The following ATN1 variants were observed in gnomAD, a reference collection of about 807,000 sequenced individuals.
ATN1 encodes the protein atrophin 1, also known as atrophin-1.
In ATN1, 19 loss-of-function variants were observed where a neutral mutation model predicts 85.8. That is an observed-to-expected ratio of 0.22 (90% CI 0.15 to 0.32). ATN1 has a LOEUF of 0.32. ATN1 is among the 10% of genes least tolerant of loss of function. The pLI is 1.00. For missense variants in ATN1, 1,453 were observed against 1,564.5 expected, an observed-to-expected ratio of 0.93 and a Z score of 1.20; for synonymous variants, 674 against 657.0, an observed-to-expected ratio of 1.03 and a Z score of -0.39.
In ATN1 at chr12:6,941,234, A is replaced by G. The variant is rs7303226; in HGVS notation, c.3359-140A>G. On this transcript the variant is annotated intron_variant, in intron 8 of 9. Transcript: ENST00000396684. This position sits in a 1 kb window ranked among gnomAD's most constrained non-coding sequence, Gnocchi z 5.9. The stretch of plus-strand genomic sequence containing the variant: ...GTTCGAATCCCAATTCCACCCTACC[A>G]CTGGCAACTTACAGAACTGGGTGTG... 3.9e-3 allele frequency: 4,789 copies of G among 1,228,492 alleles called. 134 individuals are homozygous for G. In the African/African-American group the frequency reaches 0.062, roughly 16 times the overall value. The allele number at this position is 1,228,492 out of a possible 1,614,324, so 76.1% of individuals were successfully genotyped here.
rs868985549 is a variant in ATN1 at position 6,928,065 on chromosome 12, C to T, written c.-482C>T. 7.0e-6 allele frequency among the ~76,000 whole-genome samples: 1 copy of T among 142,556 alleles called. No homozygotes were observed. The highest frequency in any genetic ancestry group is 2.5e-5 in the African/African-American group (1 of 39,642). 93.5% of individuals were successfully genotyped at this position (142,556 alleles called of 152,430 possible). A position where few individuals can be genotyped will look rare whatever the true frequency, so the allele number is the denominator to read the frequency against. ...GCCGAGGGCCGGGCGGGCCGCGGGG[C>T]CGGGCGGCGCGGCGGGGGCGGGCGG... On this transcript the variant is annotated 5_prime_UTR_variant, in exon 1 of 10. Coordinates refer to ENST00000396684, the MANE Select transcript of ATN1 (RefSeq NM_001940.4).
chr12:6,936,201 A>C lies in ATN1; in HGVS notation c.934A>C (p.Asn312His). ...PPPPALRPLN[N>H]ASASPPGLGA... ...CCCACCTGCCCTGAGACCCCTCAAC[A>C]ATGCATCAGCCTCTCCCCCTGGCCT... Residue 312 changes from asparagine to histidine, a missense_variant, in exon 5 of 10, where the codon AAT becomes CAT. By Grantham distance (68) the Asn-to-His change is moderately conservative. This residue lies in a region of ATN1 where 990 missense variants were observed against 914.8 expected (regional missense o/e 1.08). Coordinates refer to ENST00000396684, the MANE Select transcript of ATN1 (RefSeq NM_001940.4). 1 of 1,589,158 alleles carries C rather than the reference A, an allele frequency of 6.3e-7. No homozygotes were observed. The highest frequency in any genetic ancestry group is 2.2e-5 in the East Asian group (1 of 44,646).
upstream of ATN1, among the ~76,000 whole-genome samples, chr12:6,926,501 G>T (rs1192836506): frequency 6.7e-6 from 1 of 149,090 alleles, no homozygotes; most frequent in Admixed American, 6.7e-5. Flanking sequence ...TTGAGACGGC[G>T]TCTCGCTCTG....
upstream of ATN1, chr12:6,924,673 G>T (rs1565561342): frequency 6.6e-6 from 1 of 152,458 alleles, no homozygotes; most frequent in Non-Finnish European, 1.5e-5. Flanking sequence ...TCAGTTCAAA[G>T]AGCCTCATGC....
chr12:6,930,756 G>A lies in ATN1; in HGVS notation c.-163+2372G>A, dbSNP rs782424476. Among the ~76,000 whole-genome samples, 39 of 152,248 alleles carry A rather than the reference G, an allele frequency of 2.6e-4. 1 individual carries two copies. The Middle Eastern group carries it at 0.014, about 53-fold the overall frequency. On this transcript the variant is annotated intron_variant, in intron 1 of 9. Coordinates refer to ENST00000396684, the MANE Select transcript of ATN1 (RefSeq NM_001940.4). ...GCTTGCAGTGAGCCGAGCCGAGATC[G>A]CGGCACGGCACTCCAGCCTGGGTGA...
chr12:6,941,575 C>T lies in ATN1; in HGVS notation c.3539+21C>T. On this transcript the variant is annotated intron_variant, in intron 9 of 9. Transcript: ENST00000396684. The surrounding 1 kb of genome is among the most constrained non-coding windows in gnomAD (Gnocchi z 5.9). ...TACAGGTACCCTAGGGTGCCCCAGC[C>T]CAGGGGACATGGGCTCAGCGAGCCT... The T allele has an allele frequency of 1.2e-6, 2 of 1,612,344 alleles. No individual in the cohort carries two copies. The highest frequency in any genetic ancestry group is 1.7e-6 in the Non-Finnish European group (2 of 1,179,426).
At position 6,935,671 on chromosome 12, in the gene ATN1, T is replaced by C. The variant is rs1190609559; in HGVS notation, c.404T>C (p.Ile135Thr). Residue 135 changes from isoleucine to threonine, a missense_variant, in exon 5 of 10, where the codon ATC (isoleucine) becomes ACC (threonine). Around this residue, in one of 6 missense-constraint regions of ATN1, gnomAD observed 6 missense variants for 40.5 expected, o/e 0.15. Coordinates refer to ENST00000396684, the MANE Select transcript of ATN1 (RefSeq NM_001940.4). This position sits in a 1 kb window ranked among gnomAD's most constrained non-coding sequence, Gnocchi z 5.3. The part of the protein sequence containing the change: ...DQDNRSTSPS[I>T]YSPGSVENDS... ...GACAACCGAAGCACGTCCCCCAGTA[T>C]CTACAGCCCTGGAAGTGTGGAGAAT... The C allele has an allele frequency of 6.2e-7, 1 of 1,613,786 alleles. No individual in the cohort carries two copies. Among genetic ancestry groups the C allele is most frequent in the Non-Finnish European group, 8.5e-7 (1 of 1,179,920 alleles).
chr12:6,925,793 C>T (rs1555142541), upstream of ATN1, among the ~76,000 whole-genome samples: 1 of 152,224 alleles, frequency 6.6e-6, no homozygotes, highest in African/African-American at 2.4e-5. Context: ...CCTTCCTTCC[C>T]TGAAGGCAGG....
Position 6,935,607 on chromosome 12 carries a change from A to C in ATN1, c.340A>C (p.Asn114His). The C allele has an allele frequency of 1.2e-6, 2 of 1,613,700 alleles. No homozygotes were observed. The highest frequency in any genetic ancestry group is 1.7e-6 in the Non-Finnish European group (2 of 1,179,674). ...GGATAGCTTGGACGGGCGGAGCCTT[A>C]ATGATGATGGCAGCAGCGACCCTAG... ...DLDSLDGRSL[N>H]DDGSSDPRDI... The change falls in exon 5 of 10, where the codon AAT (asparagine) becomes CAT (histidine). Residue 114 changes from asparagine (N) to histidine (H), a missense_variant. Physicochemically the swap from Asn to His is moderately conservative, Grantham distance 68. Coordinates refer to ENST00000396684, the MANE Select transcript of ATN1 (RefSeq NM_001940.4). The surrounding 1 kb of genome is among the most constrained non-coding windows in gnomAD (Gnocchi z 5.3).
chr12:6,936,773 G>GCAGCAT lies in ATN1; in HGVS notation c.1508_1509insGCATCA (p.Gln502_His503insGlnHis), dbSNP rs782468714. The GCAGCAT allele has an allele frequency of 7.8e-5, 124 of 1,590,272 alleles. No homozygotes were observed. Among genetic ancestry groups the GCAGCAT allele is most frequent in the Middle Eastern group, 1.7e-4 (1 of 5,958 alleles). ...AGCAGCAGCAGCAGCAGCAGCAGCA[G>GCAGCAT]CATCACGGAAACTCTGGGCCCCCTC... is the stretch of plus-strand genomic sequence containing the variant. On this transcript the variant is annotated inframe_insertion, in exon 5 of 10. Coordinates refer to ENST00000396684, the MANE Select transcript of ATN1 (RefSeq NM_001940.4).
intron 1 of ATN1, among the ~76,000 whole-genome samples, chr12:6,931,505 G>A (rs1433991816): frequency 6.6e-6 from 1 of 150,990 alleles, no homozygotes; most frequent in South Asian, 2.1e-4. Context: ...TCTGAGGTCA[G>A]GAGTTCGAGA....
upstream of ATN1, among the ~76,000 whole-genome samples, chr12:6,926,019 T>C (rs1945395600): frequency 6.6e-6 from 1 of 152,196 alleles, no homozygotes; most frequent in South Asian, 2.1e-4. Flanking sequence ...CTGGGAGATG[T>C]TGCCGCTTGG....
rs1301957839 is a variant in ATN1, at chr12:6,934,375, T to C, written c.165+62T>C. The C allele has an allele frequency of 6.3e-7, 1 of 1,598,594 alleles. No homozygotes were observed. Among genetic ancestry groups the C allele is most frequent in the East Asian group, 2.2e-5 (1 of 44,774 alleles). On this transcript the variant is annotated intron_variant, in intron 3 of 9. Coordinates refer to ENST00000396684, the MANE Select transcript of ATN1 (RefSeq NM_001940.4). The surrounding 1 kb of genome is among the most constrained non-coding windows in gnomAD (Gnocchi z 4.5). The stretch of plus-strand genomic sequence containing the variant: ...GGCACTGGGGCTGAGGGTGTGTGTG[T>C]GTTGTGGGGGAACTTCCTGTTTGGC...
Position 6,937,683 on chromosome 12 carries a change from C to A in ATN1, c.2294+122C>A. On this transcript the variant is annotated intron_variant, in intron 5 of 9. Transcript: ENST00000396684. This position sits in a 1 kb window ranked among gnomAD's most constrained non-coding sequence, Gnocchi z 6.0. ...TAGTGTTTTAGAAAAGCACGCCCCTCTCCTCCGTCCAGGCCTAGTGGCCAG... is the reference window on the plus strand; with the variant it reads ...TAGTGTTTTAGAAAAGCACGCCCCTATCCTCCGTCCAGGCCTAGTGGCCAG... 2 of 1,430,636 alleles carry A rather than the reference C, an allele frequency of 1.4e-6. No individual in the cohort carries two copies. The allele number at this position is 1,430,636 out of a possible 1,614,324, so 88.6% of individuals were successfully genotyped here.
rs1485249713 is a variant in ATN1, at chr12:6,937,835, CG to C, written c.2295-9del. 6.5e-7 allele frequency: 1 copy of C among 1,547,376 alleles called. No individual in the cohort carries two copies. The highest frequency in any genetic ancestry group is 8.7e-7 in the Non-Finnish European group (1 of 1,146,980). ...ACCGCCTGAGCGCCCGCTGCTTCCA[CG>C]CCCGGCAGGTTCAACAAACACCTGG... On this transcript the variant is annotated splice_polypyrimidine_tract_variant and intron_variant, in intron 5 of 9. Transcript: ENST00000396684. The surrounding 1 kb of genome is among the most constrained non-coding windows in gnomAD (Gnocchi z 6.0).
chr12:6,933,105 G>A (rs1422438873), intron 1 of ATN1, among the ~76,000 whole-genome samples: 4 of 152,158 alleles, frequency 2.6e-5, no homozygotes, highest in African/African-American at 9.7e-5. Flanking sequence ...TATAATGAGG[G>A]TAATAATGCT....
Position 6,934,069 on chromosome 12 carries a change from A to G in ATN1, c.27+41A>G. 6.2e-7 allele frequency: 1 copy of G among 1,610,904 alleles called. No homozygotes were observed. The highest frequency in any genetic ancestry group is 8.5e-7 in the Non-Finnish European group (1 of 1,178,418). ...AGACATGAAAGATGAGGGGCGGGGC[A>G]GGCAAGCTAGGAGGAAGGGTCTAGA... On this transcript the variant is annotated intron_variant, in intron 2 of 9. Coordinates refer to ENST00000396684, the MANE Select transcript of ATN1 (RefSeq NM_001940.4). The surrounding 1 kb of genome is among the most constrained non-coding windows in gnomAD (Gnocchi z 4.5).
chr12:6,933,957 T>C lies in ATN1; in HGVS notation c.-45T>C, dbSNP rs782204349. 1 of 1,584,008 alleles carries C rather than the reference T, an allele frequency of 6.3e-7. No homozygotes were observed. Reference sequence around the variant, plus strand: ...GGGTGGAGCAGAGAAGTTTCTGTATTCAGCTGCCCAGGCAGAGGAGAATGG... The same window carrying C: ...GGGTGGAGCAGAGAAGTTTCTGTATCCAGCTGCCCAGGCAGAGGAGAATGG... On this transcript the variant is annotated 5_prime_UTR_variant, in exon 2 of 10. Coordinates refer to ENST00000396684, the MANE Select transcript of ATN1 (RefSeq NM_001940.4).
In ATN1 at chr12:6,937,330, G is replaced by T; in HGVS notation, c.2063G>T (p.Gly688Val). 6.4e-7 allele frequency: 1 copy of T among 1,561,830 alleles called. No homozygotes were observed. The highest frequency in any genetic ancestry group is 8.7e-7 in the Non-Finnish European group (1 of 1,154,792). Residue 688 changes from glycine (G) to valine (V), a missense_variant, in exon 5 of 10, where the codon GGC (glycine) becomes GTC (valine). Transcript: ENST00000396684. The surrounding 1 kb of genome is among the most constrained non-coding windows in gnomAD (Gnocchi z 6.0). The part of the protein sequence containing the change: ...PPAGPGTFKP[G>V]SPTVGPGPLP... ...GCAGGCCCAGGGACCTTCAAGCCGG[G>T]CTCGCCCACCGTGGGACCTGGGCCC... is the stretch of plus-strand genomic sequence containing the variant.
Sources: allele counts gnomAD v4.1 joint callset (sites outside exome capture counted in the v4.1 genomes callset), GRCh38; gene constraint gnomAD v4.1.1; regional missense constraint gnomAD v4.1.1; non-coding constraint Gnocchi (gnomAD v3.1); transcripts MANE v1.5; gene names NCBI Gene and HGNC (gene_info 2026-07-23, HGNC 2026-07-21).